CLEC9A: variants seen among roughly 807,000 people sequenced by gnomAD.
CLEC9A encodes the protein C-type lectin domain containing 9A.
In CLEC9A, 24 loss-of-function variants were observed where a neutral mutation model predicts 30.0. The ratio of observed to expected loss-of-function variants is 0.80; its 90% CI spans 0.58 to 1.13. The LOEUF (loss-of-function observed/expected upper bound fraction) is 1.13, where lower values mean the gene tolerates loss of function less well. Ranked by LOEUF, CLEC9A falls within the 50% of genes most tolerant of loss-of-function variation. The probability of loss-of-function intolerance (pLI) is 0.00; values close to 1 mark genes in which losing one functional copy is unlikely to be tolerated. For synonymous variants in CLEC9A, 111 were observed against 96.8 expected (o/e 1.15, Z -0.86); for missense variants, 251 against 280.9 (o/e 0.89, Z 0.76).
chr12:10,045,785 C>T (rs1168518476), intron 2 of CLEC9A: 1 of 156,212 alleles, frequency 6.4e-6, no homozygotes, highest in African/African-American at 2.4e-5. Context: ...CTTACCTACT[C>T]CCTTCTTTGA....
chr12:10,065,758 TGGGACTCAATAATACACTTGGGA>T lies in CLEC9A; in HGVS notation c.*127_*149del. The stretch of plus-strand genomic sequence containing the variant: ...AATGTGGGCCATGAAATTAGCAACC[TGGGACTCAATAATACACTTGGGA>T]ATATTCTTCCACACCGTCCAGATTT... On this transcript the variant is annotated 3_prime_UTR_variant, in exon 9 of 9. Transcript: ENST00000355819. 2 of 907,108 alleles carry T rather than the reference TGGGACTCAATAATACACTTGGGA, an allele frequency of 2.2e-6. No individual in the cohort carries two copies. The highest frequency in any genetic ancestry group is 3.3e-6 in the Non-Finnish European group (2 of 608,666). 56.2% of individuals were successfully genotyped at this position (907,108 alleles called of 1,614,324 possible).
intron 7 of CLEC9A, among the ~76,000 whole-genome samples, chr12:10,064,199 G>A (rs955757060): frequency 6.6e-6 from 1 of 152,072 alleles, no homozygotes; most frequent in East Asian, 1.9e-4. Flanking sequence ...AATTTGTTAA[G>A]GATATGCAGT....
chr12:10,060,911 C>G (rs1473639886), intron 5 of CLEC9A: 1 of 445,260 alleles, frequency 2.2e-6, no homozygotes, highest in Non-Finnish European at 3.8e-6. Flanking sequence ...GGTAGTAAAT[C>G]AAGCAAATTA....
chr12:10,043,796 C>T (rs1367709772), intron 2 of CLEC9A, among the ~76,000 whole-genome samples: 1 of 152,010 alleles, frequency 6.6e-6, no homozygotes, highest in Non-Finnish European at 1.5e-5. Context: ...AGTCTCATGC[C>T]TCAGCCTCCT....
At chr12:10,038,952 G>A (rs1205150789) in intron 1 of CLEC9A, among the ~76,000 whole-genome samples, 1 of 152,234 alleles carries the variant, frequency 6.6e-6, no homozygotes, top group African/African-American at 2.4e-5. Context: ...ATGGGGGTGG[G>A]CCATGCCTAT....
Position 10,058,047 on chromosome 12 carries a change from G to T in CLEC9A, c.173-3080G>T, listed in dbSNP as rs146491604. ...TGTTTTGTCTTTATTCCTCATTGCAGATTTATTACAACTTCAACCCCAATA... is the reference window on the plus strand; with the variant it reads ...TGTTTTGTCTTTATTCCTCATTGCATATTTATTACAACTTCAACCCCAATA... On this transcript the variant is annotated intron_variant, in intron 5 of 8. Transcript: ENST00000355819. 2.1e-3 allele frequency among the ~76,000 whole-genome samples: 315 copies of T among 151,984 alleles called. 3 individuals are homozygous for T. Among genetic ancestry groups the T allele is most frequent in the African/African-American group, 7.0e-3 (291 of 41,448 alleles).
At chr12:10,037,120 G>A (rs761143322) in intron 1 of CLEC9A, among the ~76,000 whole-genome samples, 2 of 151,984 alleles carry the variant, frequency 1.3e-5, no homozygotes, top group African/African-American at 2.4e-5. Flanking sequence ...CAGAAAAGAT[G>A]AATGAAAACA....
intron 3 of CLEC9A, chr12:10,052,380 A>T: frequency 2.3e-6 from 1 of 443,644 alleles, no homozygotes; most frequent in Non-Finnish European, 3.2e-6. Context: ...TTCTGAACTC[A>T]CTGCTATCAC....
rs374445127 is a variant in CLEC9A at position 10,048,764 on chromosome 12, G to A, written c.-162-3227G>A. On this transcript the variant is annotated intron_variant, in intron 2 of 8. Transcript: ENST00000355819. Reference sequence around the variant, plus strand: ...TTCTAGCACATCTGCAGTTACTTCCGCCACTGAGGTCTTGAATCTCTCAAA... The same window carrying A: ...TTCTAGCACATCTGCAGTTACTTCCACCACTGAGGTCTTGAATCTCTCAAA... Among the ~76,000 whole-genome samples, 18 of 152,182 alleles carry A rather than the reference G, an allele frequency of 1.2e-4. No individual in the cohort carries two copies. In the South Asian group the frequency reaches 3.3e-3, roughly 28 times the overall value.
At chr12:10,044,644 G>C (rs1865830107) in intron 2 of CLEC9A, among the ~76,000 whole-genome samples, 1 of 152,086 alleles carries the variant, frequency 6.6e-6, no homozygotes, top group Non-Finnish European at 1.5e-5. Flanking sequence ...TCTTCAATGA[G>C]GCTAAGTCTA....
rs1565593994 is a variant in CLEC9A at position 10,063,118 on chromosome 12, C to T, written c.383C>T (p.Ser128Phe). The T allele has an allele frequency of 1.2e-6, 2 of 1,612,464 alleles. No individual in the cohort carries two copies. Among genetic ancestry groups the T allele is most frequent in the Non-Finnish European group, 1.7e-6 (2 of 1,179,358 alleles). Residue 128 changes from serine to phenylalanine, a missense_variant, in exon 7 of 9, where the codon TCT (serine) becomes TTT (phenylalanine). Transcript: ENST00000355819. ...AACAGAGAAAGTTGTTACTATGTCT[C>T]TGAAATTTGGAGCATTTGGCACACC... ...IQNRESCYYV[S>F]EIWSIWHTSQ...
At chr12:10,044,209 T>G (rs975523601) in intron 2 of CLEC9A, among the ~76,000 whole-genome samples, 1 of 152,208 alleles carries the variant, frequency 6.6e-6, no homozygotes, top group Admixed American at 6.5e-5. Flanking sequence ...GGTTGTGAAC[T>G]TTTGTCACTT....
rs1866028208 is a variant in CLEC9A at position 10,064,758 on chromosome 12, G to A, written c.498G>A (p.Lys166=). ...EMDFITGSLR[K]IKGSYDYWVG... Reference sequence around the variant, plus strand: ...ATTTTATCACTGGCAGCTTGAGGAAGATTAAAGGAAGCTATGATTACTGGG... The same window carrying A: ...ATTTTATCACTGGCAGCTTGAGGAAAATTAAAGGAAGCTATGATTACTGGG... The change falls in exon 8 of 9, where the codon AAG becomes AAA. Residue 166 remains lysine (K), a synonymous_variant. Transcript: ENST00000355819. The A allele has an allele frequency of 5.0e-6, 8 of 1,612,230 alleles. No homozygotes were observed. The highest frequency in any genetic ancestry group is 6.8e-6 in the Non-Finnish European group (8 of 1,179,100).
At chr12:10,037,934 A>T (rs1865757442) in intron 1 of CLEC9A, among the ~76,000 whole-genome samples, 1 of 152,052 alleles carries the variant, frequency 6.6e-6, no homozygotes, top group African/African-American at 2.4e-5. Context: ...AGTGGGGAAG[A>T]TGTCTTAAAT....
chr12:10,039,879 G>C (rs1342468347), intron 1 of CLEC9A, among the ~76,000 whole-genome samples: 1 of 151,472 alleles, frequency 6.6e-6, no homozygotes, highest in Non-Finnish European at 1.5e-5. Context: ...TGGAGTTGCA[G>C]AGGTGCTATT....
At chr12:10,053,542 A>G (rs1467913779) in intron 4 of CLEC9A, among the ~76,000 whole-genome samples, 1 of 152,160 alleles carries the variant, frequency 6.6e-6, no homozygotes, top group Non-Finnish European at 1.5e-5. Flanking sequence ...GATCCAGATA[A>G]TTCAGGCTAA....
chr12:10,056,058 CAAAAAA>C (rs58274495), intron 5 of CLEC9A, among the ~76,000 whole-genome samples: 2 of 47,524 alleles, frequency 4.2e-5, no homozygotes, highest in African/African-American at 2.0e-4. Context: ...GACTCTGTCT[CAAAAAA>C]AAAAAAAAAA....
intron 3 of CLEC9A, chr12:10,052,419 G>A: frequency 4.3e-6 from 4 of 919,786 alleles, no homozygotes; most frequent in African/African-American, 1.7e-5. Context: ...TTTGGAAACC[G>A]GATAAAAAAA....
At chr12:10,048,239 CAAA>C (rs34010283) in intron 2 of CLEC9A, among the ~76,000 whole-genome samples, 15,241 of 130,634 alleles carry the variant, frequency 0.12, 928 homozygotes, top group Non-Finnish European at 0.16. Flanking sequence ...GACTCCGTCT[CAAA>C]AAAAAAAAAA....
Sources: allele counts gnomAD v4.1 joint callset (sites outside exome capture counted in the v4.1 genomes callset), GRCh38; gene constraint gnomAD v4.1.1; transcripts MANE v1.5; gene names NCBI Gene and HGNC (gene_info 2026-07-23, HGNC 2026-07-21).